MLLT10: variants seen among roughly 807,000 people sequenced by gnomAD.
MLLT10 encodes protein AF-10.
In MLLT10, 30 loss-of-function variants were observed where a neutral mutation model predicts 129.1. That is an observed-to-expected ratio of 0.23 (90% CI 0.17 to 0.32). MLLT10 has a LOEUF of 0.32. Among genes scored for constraint, MLLT10 ranks in the 10% least tolerant of loss-of-function variants. The pLI, the probability that MLLT10 is intolerant of heterozygous loss-of-function variation, is 1.00. For synonymous variants in MLLT10, 490 were observed against 446.4 expected, an observed-to-expected ratio of 1.10 and a Z score of -1.23; for missense variants, 1,119 against 1,268.3, an observed-to-expected ratio of 0.88 and a Z score of 1.79.
rs1301953305 is a variant in MLLT10, at chr10:21,717,542, CCT to C, written c.1878+3593_1878+3594del. Among the ~76,000 whole-genome samples the C allele has an allele frequency of 2.1e-3, 248 of 115,652 alleles. 1 individual carries two copies. The highest frequency in any genetic ancestry group is 3.4e-3 in the Non-Finnish European group (193 of 57,404). The allele number at this position is 115,652 out of a possible 152,430, so 75.9% of individuals were successfully genotyped here. A position where few individuals can be genotyped will look rare whatever the true frequency, so the allele number is the denominator to read the frequency against. On this transcript the variant is annotated intron_variant, in intron 14 of 22. Transcript: ENST00000307729. ...CCACCTCCTCCTCCTCCTCCTCCTC[CCT>C]TCTTCTTTCTTCTTCTTTCTTCCTC...
intron 12 of MLLT10, among the ~76,000 whole-genome samples, chr10:21,681,944 G>A (rs1181993849): frequency 6.6e-6 from 1 of 152,078 alleles, no homozygotes; most frequent in Non-Finnish European, 1.5e-5. Flanking sequence ...TTTAAAAAGT[G>A]ATTTGAAATA....
chr10:21,546,813 C>T (rs778516917), intron 3 of MLLT10, among the ~76,000 whole-genome samples: 4 of 151,774 alleles, frequency 2.6e-5, no homozygotes, highest in African/African-American at 4.8e-5. Context: ...CCACAACTTC[C>T]GCTTCCCGGG....
intron 3 of MLLT10, among the ~76,000 whole-genome samples, chr10:21,561,040 G>A (rs1014850213): frequency 1.3e-5 from 2 of 152,126 alleles, no homozygotes; most frequent in Non-Finnish European, 2.9e-5. Context: ...ATCCCATTCT[G>A]TGTGTTGTCT....
chr10:21,571,430 T>G (rs1199105145), intron 3 of MLLT10, among the ~76,000 whole-genome samples: 1 of 152,228 alleles, frequency 6.6e-6, no homozygotes, highest in Non-Finnish European at 1.5e-5. Context: ...GACTACAGGC[T>G]CTGCCTGGGT....
intron 5 of MLLT10, 87 bp downstream of exon 5, chr10:21,595,527 C>A: frequency 2.0e-6 from 2 of 1,003,468 alleles, no homozygotes; most frequent in Non-Finnish European, 1.4e-6. Flanking sequence ...TCACAGGTCT[C>A]CATCAAATCC....
chr10:21,595,776 T>C (rs2042968821), intron 5 of MLLT10, among the ~76,000 whole-genome samples: 1 of 152,166 alleles, frequency 6.6e-6, no homozygotes, highest in South Asian at 2.1e-4. Flanking sequence ...GAATTAATTA[T>C]TATTTTGCAT....
At position 21,607,601 on chromosome 10, in the gene MLLT10, G is replaced by A. The variant is rs115665725; in HGVS notation, c.406-4747G>A. ...CTCCCAAAATGCTGGGATTACAGGC[G>A]TGAGCCACCCCTGGCTAGGTGTTAA... On this transcript the variant is annotated intron_variant, in intron 5 of 22. Transcript: ENST00000307729. Among the ~76,000 whole-genome samples the A allele has an allele frequency of 1.0e-2, 1,518 of 152,200 alleles. 18 individuals are homozygous for A. Among genetic ancestry groups the A allele is most frequent in the African/African-American group, 0.031 (1,274 of 41,510 alleles).
chr10:21,728,026 AT>A, intron 16 of MLLT10, 98 bp downstream of exon 16: 1 of 894,166 alleles, frequency 1.1e-6, no homozygotes, highest in Non-Finnish European at 1.7e-6. Flanking sequence ...TTGTGAGGCT[AT>A]AAAAGCATTC....
chr10:21,730,880 T>C lies in MLLT10; in HGVS notation c.2064-20T>C, dbSNP rs2057916347. On this transcript the variant is annotated intron_variant, in intron 16 of 22. Coordinates refer to ENST00000307729, the MANE Select transcript of MLLT10 (RefSeq NM_001195626.3). Reference sequence around the variant, plus strand: ...TAAAAGCATTCCCCTTCTTTTTAACTTGAGAATTGTTTTCAACAGATCCCC... The same window carrying C: ...TAAAAGCATTCCCCTTCTTTTTAACCTGAGAATTGTTTTCAACAGATCCCC... The C allele has an allele frequency of 6.2e-7, 1 of 1,614,068 alleles. No individual in the cohort carries two copies. Among genetic ancestry groups the C allele is most frequent in the Non-Finnish European group, 8.5e-7 (1 of 1,179,928 alleles).
intron 14 of MLLT10, among the ~76,000 whole-genome samples, chr10:21,720,332 G>T (rs1256167132): frequency 6.6e-6 from 1 of 152,214 alleles, no homozygotes. Context: ...GGACCTGAAA[G>T]TTGTTCACAC....
At chr10:21,622,278 C>A (rs575328497) in intron 8 of MLLT10, among the ~76,000 whole-genome samples, 1 of 150,804 alleles carries the variant, frequency 6.6e-6, no homozygotes, top group African/African-American at 2.4e-5. Flanking sequence ...CTCCCTCAGC[C>A]TCCTGAGTAG....
At position 21,534,526 on chromosome 10, in the gene MLLT10, C is replaced by G; in HGVS notation, c.-1+6C>G. 1 of 1,050,808 alleles carries G rather than the reference C, an allele frequency of 9.5e-7. No individual in the cohort carries two copies. The allele number at this position is 1,050,808 out of a possible 1,614,324, so 65.1% of individuals were successfully genotyped here. Reference sequence around the variant, plus strand: ...GACTGAGCGGCAAAGCCCGAGTGAGCGAGCGGTGGGCTGCCGGGCCGGGCG... The same window carrying G: ...GACTGAGCGGCAAAGCCCGAGTGAGGGAGCGGTGGGCTGCCGGGCCGGGCG... On this transcript the variant is annotated splice_donor_region_variant and intron_variant, in intron 1 of 22. Transcript: ENST00000307729.
In MLLT10 at chr10:21,682,220, A is replaced by G; in HGVS notation, c.1667-5A>G. 1.9e-6 allele frequency: 3 copies of G among 1,608,994 alleles called. No individual in the cohort carries two copies. The highest frequency in any genetic ancestry group is 1.7e-6 in the Non-Finnish European group (2 of 1,178,080). ...ACCTGAAGTCCTTTTTTCCTTACTT[A>G]AAAGCGTTCTCAGAGTTGCTGAATG... On this transcript the variant is annotated splice_polypyrimidine_tract_variant and splice_region_variant and intron_variant, in intron 12 of 22. Coordinates refer to ENST00000307729, the MANE Select transcript of MLLT10 (RefSeq NM_001195626.3).
chr10:21,587,182 T>A (rs2042067275), intron 4 of MLLT10, among the ~76,000 whole-genome samples: 1 of 151,934 alleles, frequency 6.6e-6, no homozygotes. Flanking sequence ...GGAGGCTCAC[T>A]GGAGCATAGG....
At chr10:21,727,726 C>T in intron 15 of MLLT10, 130 bp from the exon 16 acceptor site, 1 of 662,710 alleles carries the variant, frequency 1.5e-6, no homozygotes, top group Non-Finnish European at 2.6e-6. Context: ...GCTAGATCTT[C>T]TATTTTCGTG....
chr10:21,735,364 C>A, intron 21 of MLLT10, 129 bp downstream of exon 21: 1 of 739,652 alleles, frequency 1.4e-6, no homozygotes, highest in Admixed American at 2.7e-5. Flanking sequence ...TTTTTCTTGC[C>A]ATGTGGTACA....
intron 9 of MLLT10, among the ~76,000 whole-genome samples, chr10:21,665,289 G>A (rs1055282801): frequency 2.8e-4 from 24 of 86,912 alleles, no homozygotes; most frequent in African/African-American, 1.1e-3. Context: ...TTGTTTGTTT[G>A]TTTGTTTTTT....
intron 13 of MLLT10, among the ~76,000 whole-genome samples, chr10:21,702,432 GT>G (rs2055018990): frequency 6.6e-6 from 1 of 152,172 alleles, no homozygotes; most frequent in African/African-American, 2.4e-5. Context: ...GTAAATGTCT[GT>G]TAGGTCCATT....
chr10:21,710,831 A>G (rs903737404), intron 13 of MLLT10, among the ~76,000 whole-genome samples: 3 of 152,198 alleles, frequency 2.0e-5, no homozygotes, highest in Admixed American at 1.3e-4. Flanking sequence ...TGGGAGTAAT[A>G]TTTACCTCAT....
Sources: gnomAD v4.1 joint callset for allele counts (sites outside exome capture counted in the v4.1 genomes callset) on GRCh38, gnomAD v4.1.1 for gene constraint, MANE v1.5 for transcripts, NCBI Gene and HGNC (gene_info 2026-07-23, HGNC 2026-07-21) for gene names.